The following KDELR2 variants were observed in gnomAD, a reference collection of about 807,000 sequenced individuals.
KDELR2 encodes the protein ER lumen protein-retaining receptor 2.
In KDELR2, 15 loss-of-function variants were observed where a neutral mutation model predicts 23.9. That is an observed-to-expected ratio of 0.63 (90% confidence interval 0.42 to 0.97). The LOEUF (loss-of-function observed/expected upper bound fraction) is 0.97. KDELR2 is among the 50% of genes least tolerant of loss of function. The pLI is 0.00. For synonymous variants in KDELR2, 119 were observed against 106.2 expected, an observed-to-expected ratio of 1.12 and a Z score of -0.74; for missense variants, 272 against 254.6, an observed-to-expected ratio of 1.07 and a Z score of -0.46.
rs1785401717 is a variant in KDELR2 at position 6,462,133 on chromosome 7, G to C, written c.*1008C>G. ...ATGTCGGCTGCGGGTTAAATAAAAA[G>C]AAAACCACACATACAAAAAAGAATG... On this transcript the variant is annotated 3_prime_UTR_variant, in exon 5 of 5. Transcript: ENST00000258739. 6.6e-6 allele frequency: 1 copy of C among 151,862 alleles called. No individual in the cohort carries two copies. Among genetic ancestry groups the C allele is most frequent in the Non-Finnish European group, 1.5e-5 (1 of 67,952 alleles). The allele number at this position is 151,862 out of a possible 1,614,324, so 9.4% of individuals were successfully genotyped here.
At chr7:6,463,288 T>A in intron 4 of KDELR2, 113 bp from the exon 5 acceptor site, 1 of 770,726 alleles carries the variant, frequency 1.3e-6, no homozygotes, top group Non-Finnish European at 2.1e-6. Flanking sequence ...CATAGTAAGG[T>A]ATAGGAAATA....
intron 1 of KDELR2, among the ~76,000 whole-genome samples, chr7:6,483,644 G>C (rs1011862532): frequency 3.3e-5 from 5 of 152,162 alleles, no homozygotes; most frequent in African/African-American, 7.2e-5. Flanking sequence ...AGCCCAGAGA[G>C]GGGCCACGCC....
chr7:6,470,329 C>T (rs563364278), intron 2 of KDELR2: 58 of 152,354 alleles, frequency 3.8e-4, no homozygotes, highest in African/African-American at 1.4e-3. Context: ...GAATCTCCCA[C>T]CAGAGATACT....
Position 6,482,832 on chromosome 7 carries a change from C to CAAAA in KDELR2, c.91+1131_91+1134dup, listed in dbSNP as rs10525658. ...GAAACCTTGTGTCTACAAAAAATAGCAAAAAAAAAAAAAAAAAAAAAAGTT... is the reference window on the plus strand; with the variant it reads ...GAAACCTTGTGTCTACAAAAAATAGCAAAAAAAAAAAAAAAAAAAAAAAAAAGTT... On this transcript the variant is annotated intron_variant, in intron 1 of 4. Coordinates refer to ENST00000258739, the MANE Select transcript of KDELR2 (RefSeq NM_006854.4). Among the ~76,000 whole-genome samples, 93 of 122,912 alleles carry CAAAA rather than the reference C, an allele frequency of 7.6e-4. 1 individual carries two copies. Among genetic ancestry groups the CAAAA allele is most frequent in the African/African-American group, 1.6e-3 (57 of 36,122 alleles). The allele number at this position is 122,912 out of a possible 152,430, so 80.6% of individuals were successfully genotyped here.
intron 2 of KDELR2, 149 bp from the exon 3 acceptor site, chr7:6,469,903 T>G: frequency 1.5e-6 from 1 of 662,390 alleles, no homozygotes. Context: ...ATAGTAAAAT[T>G]CTCTTTTTTG....
At chr7:6,472,772 C>G (rs1346022723) in intron 2 of KDELR2, among the ~76,000 whole-genome samples, 1 of 152,098 alleles carries the variant, frequency 6.6e-6, no homozygotes, top group Non-Finnish European at 1.5e-5. Flanking sequence ...AATATTACTT[C>G]CTTGGGTATG....
In KDELR2 at chr7:6,461,555, T is replaced by C. The variant is rs1361356071; in HGVS notation, c.*1586A>G. On this transcript the variant is annotated 3_prime_UTR_variant, in exon 5 of 5. Transcript: ENST00000258739. ...GATGCTGCAAAGAAAGATGCTCTGA[T>C]ACACAAAAGCCAAAACATAAGACAA... is the stretch of plus-strand genomic sequence containing the variant. 6.6e-6 allele frequency: 1 copy of C among 151,756 alleles called. No individual in the cohort carries two copies. Among genetic ancestry groups the C allele is most frequent in the Non-Finnish European group, 1.5e-5 (1 of 67,996 alleles). 9.4% of individuals were successfully genotyped at this position (151,756 alleles called of 1,614,324 possible). A position where few individuals can be genotyped will look rare whatever the true frequency, so the allele number is the denominator to read the frequency against.
intron 2 of KDELR2, among the ~76,000 whole-genome samples, chr7:6,471,802 G>C (rs1018210386): frequency 1.3e-5 from 2 of 152,184 alleles, no homozygotes; most frequent in Admixed American, 6.5e-5. Flanking sequence ...AAGCTGCTGT[G>C]AACATTTGCG....
chr7:6,478,173 T>G (rs1372416576), intron 1 of KDELR2, among the ~76,000 whole-genome samples: 1 of 151,982 alleles, frequency 6.6e-6, no homozygotes, highest in Non-Finnish European at 1.5e-5. Flanking sequence ...GTTTTTTTTT[T>G]GAGACAGAAC....
rs146181593 is a variant in KDELR2 at position 6,462,247 on chromosome 7, A to C, written c.*894T>G. ...AAAAGTGATATGGAAAACTGTTTGAATCTGAGCATGGACATGGTTGTAGTC... is the reference window on the plus strand; with the variant it reads ...AAAAGTGATATGGAAAACTGTTTGACTCTGAGCATGGACATGGTTGTAGTC... On this transcript the variant is annotated 3_prime_UTR_variant, in exon 5 of 5. Coordinates refer to ENST00000258739, the MANE Select transcript of KDELR2 (RefSeq NM_006854.4). The C allele has an allele frequency of 1.6e-4, 25 of 152,338 alleles. No individual in the cohort carries two copies. The highest frequency in any genetic ancestry group is 5.8e-4 in the African/African-American group (24 of 41,586). The allele number at this position is 152,338 out of a possible 1,614,324, so 9.4% of individuals were successfully genotyped here.
chr7:6,463,573 A>T (rs1785431911), intron 4 of KDELR2, among the ~76,000 whole-genome samples: 1 of 149,484 alleles, frequency 6.7e-6, no homozygotes. Context: ...CCATCTCTAT[A>T]AAAAAAAAAT....
At chr7:6,483,837 T>G in intron 1 of KDELR2, 130 bp downstream of exon 1, 1 of 663,962 alleles carries the variant, frequency 1.5e-6, no homozygotes, top group Non-Finnish European at 2.1e-6. Context: ...CGGGCACCCG[T>G]TAGGCCGGCC....
chr7:6,464,890 C>T (rs1785468642), intron 4 of KDELR2, among the ~76,000 whole-genome samples: 1 of 151,906 alleles, frequency 6.6e-6, no homozygotes, highest in African/African-American at 2.4e-5. Flanking sequence ...CCATGTGCCA[C>T]CACACCCGGC....
rs1054656222 is a variant in KDELR2, at chr7:6,461,907, G to C, written c.*1234C>G. ...TCCACAAAATACATAATGTCTTACA[G>C]ATGATTATGTGAACTTTAAATGTCT... On this transcript the variant is annotated 3_prime_UTR_variant, in exon 5 of 5. Coordinates refer to ENST00000258739, the MANE Select transcript of KDELR2 (RefSeq NM_006854.4). 2.0e-5 allele frequency: 3 copies of C among 152,066 alleles called. No individual in the cohort carries two copies. Among genetic ancestry groups the C allele is most frequent in the Admixed American group, 2.0e-4 (3 of 15,246 alleles). The allele number at this position is 152,066 out of a possible 1,614,324, so 9.4% of individuals were successfully genotyped here.
Position 6,475,996 on chromosome 7 carries a change from T to C in KDELR2, c.92-1712A>G, listed in dbSNP as rs138739224. Among the ~76,000 whole-genome samples the C allele has an allele frequency of 3.2e-3, 489 of 152,300 alleles. 1 individual carries two copies. Among genetic ancestry groups the C allele is most frequent in the Non-Finnish European group, 4.4e-3 (299 of 68,012 alleles). On this transcript the variant is annotated intron_variant, in intron 1 of 4. Transcript: ENST00000258739. ...GCACAAGTACAGCCCACTGCACCTT[T>C]GACCTCCCTGGGCTGAGGTGATCCT...
intron 4 of KDELR2, 92 bp from the exon 5 acceptor site, chr7:6,463,267 A>C: frequency 2.2e-6 from 2 of 911,296 alleles, no homozygotes; most frequent in Admixed American, 4.5e-5. Context: ...TCTCCCACAC[A>C]CAAGATTCTA....
At chr7:6,478,617 T>C (rs1340351335) in intron 1 of KDELR2, among the ~76,000 whole-genome samples, 1 of 152,148 alleles carries the variant, frequency 6.6e-6, no homozygotes, top group Non-Finnish European at 1.5e-5. Flanking sequence ...TTACAGATTA[T>C]TTCACTCAGT....
Position 6,484,125 on chromosome 7 carries a change from G to GC in KDELR2, c.-69dup, listed in dbSNP as rs1273596603. ...GGGCTGGGCGGCTCAGGAGGCGGCG[G>GC]CCCCTGAGAGGAAGCGGCGAAGATG... is the stretch of plus-strand genomic sequence containing the variant. On this transcript the variant is annotated 5_prime_UTR_variant, in exon 1 of 5. Coordinates refer to ENST00000258739, the MANE Select transcript of KDELR2 (RefSeq NM_006854.4). 5 of 1,176,996 alleles carry GC rather than the reference G, an allele frequency of 4.2e-6. No homozygotes were observed. The highest frequency in any genetic ancestry group is 3.2e-5 in the South Asian group (1 of 31,688). The allele number at this position is 1,176,996 out of a possible 1,614,324, so 72.9% of individuals were successfully genotyped here. A position where few individuals can be genotyped will look rare whatever the true frequency, so the allele number is the denominator to read the frequency against.
At chr7:6,476,356 A>C (rs951615892) in intron 1 of KDELR2, among the ~76,000 whole-genome samples, 1 of 152,178 alleles carries the variant, frequency 6.6e-6, no homozygotes, top group Non-Finnish European at 1.5e-5. Flanking sequence ...TCCTACAGAG[A>C]CCAATGTTCC....
Sources: allele counts gnomAD v4.1 joint callset (sites outside exome capture counted in the v4.1 genomes callset), GRCh38; gene constraint gnomAD v4.1.1; transcripts MANE v1.5; gene names NCBI Gene and HGNC (gene_info 2026-07-23, HGNC 2026-07-21).